CAMTA1: variants seen among roughly 807,000 people sequenced by gnomAD.
The protein encoded by CAMTA1 is calmodulin-binding transcription activator 1.
Under a neutral mutation model 170.9 loss-of-function variants are expected in CAMTA1, and 27 were observed. The observed-to-expected ratio is 0.16, with a 90% CI of 0.12 to 0.22. The LOEUF (loss-of-function observed/expected upper bound fraction) is 0.22. Among genes scored for constraint, CAMTA1 ranks in the 10% least tolerant of loss-of-function variants. The probability of loss-of-function intolerance (pLI) is 1.00; values close to 1 mark genes in which losing one functional copy is unlikely to be tolerated. For synonymous variants in CAMTA1, 833 were observed against 891.5 expected (o/e 0.93, Z 1.17); for missense variants, 1,619 against 2,217.2 (o/e 0.73, Z 5.42).
Position 7,063,290 on chromosome 1 carries a change from T to C in CAMTA1, c.235-28014T>C, listed in dbSNP as rs1708520176. On this transcript the variant is annotated intron_variant, in intron 3 of 22. Coordinates refer to ENST00000303635, the MANE Select transcript of CAMTA1 (RefSeq NM_015215.4). The surrounding 1 kb of genome is among the most constrained non-coding windows in gnomAD (Gnocchi z 4.3). ...TTCCTAGTGGAAAGACAGGGACGAC[T>C]CTTCCGCAACACCTCTCAGACCCGT... Among the ~76,000 whole-genome samples, 1 of 152,190 alleles carries C rather than the reference T, an allele frequency of 6.6e-6. No individual in the cohort carries two copies. Among genetic ancestry groups the C allele is most frequent in the Non-Finnish European group, 1.5e-5 (1 of 68,020 alleles).
intron 4 of CAMTA1, among the ~76,000 whole-genome samples, chr1:7,120,528 G>C (rs550018473): frequency 6.6e-6 from 1 of 152,344 alleles, no homozygotes; most frequent in South Asian, 2.1e-4. Context: ...GTTCCTGCTG[G>C]CCGTATGTGA....
At chr1:7,669,030 C>T (rs2096029975) in intron 9 of CAMTA1, among the ~76,000 whole-genome samples, 1 of 152,188 alleles carries the variant, frequency 6.6e-6, no homozygotes, top group Non-Finnish European at 1.5e-5. Context: ...CACGGAGCTG[C>T]AAATATCCCT....
rs1314569846 is a variant in CAMTA1 at position 6,842,980 on chromosome 1, C to G, written c.234+17770C>G. ...TCTGGAGGGGAACATTTGTAATAGG[C>G]AAGTGGTCATTATTAAATGTACAGT... On this transcript the variant is annotated intron_variant, in intron 3 of 22. Coordinates refer to ENST00000303635, the MANE Select transcript of CAMTA1 (RefSeq NM_015215.4). Among the ~76,000 whole-genome samples, 6 of 151,688 alleles carry G rather than the reference C, an allele frequency of 4.0e-5. 1 individual carries two copies. Among genetic ancestry groups the G allele is most frequent in the Non-Finnish European group, 8.8e-5 (6 of 67,936 alleles).
chr1:6,993,016 T>C (rs930176199), intron 3 of CAMTA1, among the ~76,000 whole-genome samples: 1 of 152,234 alleles, frequency 6.6e-6, no homozygotes, highest in Non-Finnish European at 1.5e-5. Flanking sequence ...CTTTGGCACC[T>C]TTGTCTAAAC....
intron 11 of CAMTA1, among the ~76,000 whole-genome samples, chr1:7,719,874 C>T (rs753815872): frequency 2.2e-4 from 33 of 152,366 alleles, no homozygotes; most frequent in Admixed American, 4.6e-4. Context: ...CCTCCTTTGC[C>T]TCCTCAGCTC....
intron 4 of CAMTA1, among the ~76,000 whole-genome samples, chr1:7,242,382 T>G (rs1665013080): frequency 6.6e-6 from 1 of 152,250 alleles, no homozygotes; most frequent in Non-Finnish European, 1.5e-5. Context: ...CTGGCAGTTT[T>G]ATTTTTATCT....
rs556138482 is a variant in CAMTA1 at position 7,622,488 on chromosome 1, A to C, written c.511-17912A>C. 2.0e-5 allele frequency among the ~76,000 whole-genome samples: 3 copies of C among 152,364 alleles called. No homozygotes were observed. In the South Asian group the frequency reaches 6.2e-4, roughly 32 times the overall value. On this transcript the variant is annotated intron_variant, in intron 6 of 22. Transcript: ENST00000303635. ...TCCGCTATTGAAAACAGCTGACTTC[A>C]TTATAACCCATCATTGACTCCTTTC... is the stretch of plus-strand genomic sequence containing the variant.
At chr1:6,975,794 C>G (rs1361941094) in intron 3 of CAMTA1, among the ~76,000 whole-genome samples, 1 of 152,220 alleles carries the variant, frequency 6.6e-6, no homozygotes, top group Non-Finnish European at 1.5e-5. Context: ...TACTCCTCAG[C>G]TATCACCCCC....
intron 5 of CAMTA1, among the ~76,000 whole-genome samples, chr1:7,459,679 C>T (rs924503351): frequency 1.3e-5 from 2 of 152,218 alleles, no homozygotes; most frequent in Non-Finnish European, 2.9e-5. Flanking sequence ...CTGCCCTACC[C>T]CACTGACAGT....
chr1:7,565,735 G>A lies in CAMTA1; in HGVS notation c.511-74665G>A, dbSNP rs2095032634. Among the ~76,000 whole-genome samples the A allele has an allele frequency of 1.3e-5, 2 of 152,110 alleles. No homozygotes were observed. The highest frequency in any genetic ancestry group is 2.9e-5 in the Non-Finnish European group (2 of 68,016). On this transcript the variant is annotated intron_variant, in intron 6 of 22. Coordinates refer to ENST00000303635, the MANE Select transcript of CAMTA1 (RefSeq NM_015215.4). This position sits in a 1 kb window ranked among gnomAD's most constrained non-coding sequence, Gnocchi z 4.5. ...GTTTTATGTTGTTTGTTTTGTCCTC[G>A]TGTCTTAGTCTACTCAGGCTGCCAT...
intron 5 of CAMTA1, among the ~76,000 whole-genome samples, chr1:7,306,870 A>G (rs1024355946): frequency 6.6e-6 from 1 of 151,986 alleles, no homozygotes; most frequent in African/African-American, 2.4e-5. Flanking sequence ...ACAATAATAC[A>G]AGTAAAAAAT....
chr1:7,379,864 C>G (rs1000398561), intron 5 of CAMTA1, among the ~76,000 whole-genome samples: 1 of 152,210 alleles, frequency 6.6e-6, no homozygotes, highest in Non-Finnish European at 1.5e-5. Flanking sequence ...ATCAGCGAAC[C>G]GACAAAGCCT....
rs200167833 is a variant in CAMTA1, at chr1:6,802,244, C to T, written c.45+16669C>T. 8.8e-3 allele frequency among the ~76,000 whole-genome samples: 1,341 copies of T among 152,274 alleles called. 7 individuals are homozygous for T. The highest frequency in any genetic ancestry group is 0.013 in the Non-Finnish European group (898 of 68,018). ...TCCTTGCTTGAGTTACATGTAGTGG[C>T]CTTAGTCATGGCTCCTGCATGTCCT... is the stretch of plus-strand genomic sequence containing the variant. On this transcript the variant is annotated intron_variant, in intron 1 of 22. Coordinates refer to ENST00000303635, the MANE Select transcript of CAMTA1 (RefSeq NM_015215.4).
rs2096215488 is a variant in CAMTA1, at chr1:7,682,341, G to A, written c.2914+4608G>A. Among the ~76,000 whole-genome samples, 1 of 152,252 alleles carries A rather than the reference G, an allele frequency of 6.6e-6. No individual in the cohort carries two copies. Among genetic ancestry groups the A allele is most frequent in the Non-Finnish European group, 1.5e-5 (1 of 68,042 alleles). ...ACGGGGTTATCCTGTGACTTCTGGG[G>A]CAGCCTGGCCCTGGGGTAGGTGTCT... On this transcript the variant is annotated intron_variant, in intron 11 of 22. Coordinates refer to ENST00000303635, the MANE Select transcript of CAMTA1 (RefSeq NM_015215.4). The surrounding 1 kb of genome is among the most constrained non-coding windows in gnomAD (Gnocchi z 5.0).
intron 7 of CAMTA1, among the ~76,000 whole-genome samples, chr1:7,651,196 T>G (rs2095846729): frequency 6.6e-6 from 1 of 152,150 alleles, no homozygotes. Flanking sequence ...ACCCTCTTTC[T>G]GGGTCTTTCT....
At chr1:7,432,134 G>C (rs2092189360) in intron 5 of CAMTA1, among the ~76,000 whole-genome samples, 1 of 152,198 alleles carries the variant, frequency 6.6e-6, no homozygotes, top group Admixed American at 6.5e-5. Flanking sequence ...GCAGAGCCCA[G>C]GGGCCCTGGG....
At chr1:7,459,609 A>C (rs1415819294) in intron 5 of CAMTA1, among the ~76,000 whole-genome samples, 2 of 152,072 alleles carry the variant, frequency 1.3e-5, no homozygotes, top group Non-Finnish European at 2.9e-5. Context: ...AGCGTAGCAC[A>C]CTCAGGCCCT....
rs181485639 is a variant in CAMTA1 at position 7,186,982 on chromosome 1, G to C, written c.303-62509G>C. 4.0e-3 allele frequency among the ~76,000 whole-genome samples: 609 copies of C among 152,110 alleles called. 5 individuals are homozygous for C. The highest frequency in any genetic ancestry group is 0.014 in the African/African-American group (577 of 41,474). ...GTAAAATTCAGAGTCTTCTTAGTAG[G>C]GGGTAATTCAGAGTCTCCCTGGGAA... On this transcript the variant is annotated intron_variant, in intron 4 of 22. Coordinates refer to ENST00000303635, the MANE Select transcript of CAMTA1 (RefSeq NM_015215.4).
intron 3 of CAMTA1, among the ~76,000 whole-genome samples, chr1:7,085,501 C>T (rs1470575208): frequency 2.0e-5 from 3 of 152,248 alleles, no homozygotes; most frequent in Non-Finnish European, 2.9e-5. Flanking sequence ...GGGAGAACCA[C>T]CACCCACATA....
Sources: gnomAD v4.1 joint callset for allele counts (sites outside exome capture counted in the v4.1 genomes callset) on GRCh38, gnomAD v4.1.1 for gene constraint, Gnocchi (gnomAD v3.1) non-coding constraint, MANE v1.5 for transcripts, NCBI Gene and HGNC (gene_info 2026-07-23, HGNC 2026-07-21) for gene names.